EFHC2: variants seen among roughly 807,000 people sequenced by gnomAD.
The protein encoded by EFHC2 is EF-hand domain containing 2.
A neutral mutation model predicts 52.7 loss-of-function variants in EFHC2; 18 were observed. The observed-to-expected ratio is 0.34, with a 90% confidence interval of 0.24 to 0.51. The LOEUF is 0.51. EFHC2 is among the 20% of genes least tolerant of loss of function. The pLI is 0.97. For synonymous variants in EFHC2, 203 were observed against 204.1 expected, an observed-to-expected ratio of 0.99 and a Z score of 0.04; for missense variants, 513 against 562.5, an observed-to-expected ratio of 0.91 and a Z score of 0.89.
intron 2 of EFHC2, chrX:44,310,303 T>C: frequency 1.1e-6 from 1 of 893,274 alleles, no homozygotes; most frequent in Non-Finnish European, 1.6e-6. Flanking sequence ...GCTTTAGTTT[T>C]CGGCTCGCGG....
At chrX:44,295,970 T>C (rs1218175465) in intron 2 of EFHC2, among the ~76,000 whole-genome samples, 1 of 111,523 alleles carries the variant, frequency 9.0e-6, no homozygotes, top group Non-Finnish European at 1.9e-5. Context: ...ATCCAATTTA[T>C]GCTGCACATC....
At chrX:44,251,238 C>CAAAAAAAA (rs746850685) in intron 4 of EFHC2, among the ~76,000 whole-genome samples, 5 of 18,313 alleles carry the variant, frequency 2.7e-4, no homozygotes, top group African/African-American at 4.7e-4. Context: ...GACTCCATCT[C>CAAAAAAAA]AAAAAAAAAA....
chrX:44,214,725 C>T (rs2037130507), intron 11 of EFHC2, among the ~76,000 whole-genome samples: 1 of 112,207 alleles, frequency 8.9e-6, no homozygotes, highest in Admixed American at 9.4e-5. Flanking sequence ...TTTTATTTAT[C>T]TTATTCTTAA....
At chrX:44,224,897 C>T (rs2037219284) in intron 11 of EFHC2, among the ~76,000 whole-genome samples, 1 of 102,309 alleles carries the variant, frequency 9.8e-6, no homozygotes, top group African/African-American at 3.8e-5. Flanking sequence ...TCTTCCTTGG[C>T]ATTGGGCTCT....
rs545372479 is a variant in EFHC2 at position 44,232,339 on chromosome X, C to T, written c.1620+142G>A. On this transcript the variant is annotated intron_variant, in intron 10 of 14. Coordinates refer to ENST00000420999, the MANE Select transcript of EFHC2 (RefSeq NM_025184.4). ...TGATGGGACATGTGGCCAAGTCACACGAATCCATTATTCATGCCCACATGT... is the reference window on the plus strand; with the variant it reads ...TGATGGGACATGTGGCCAAGTCACATGAATCCATTATTCATGCCCACATGT... 12 of 398,633 alleles carry T rather than the reference C, an allele frequency of 3.0e-5. No individual in the cohort carries two copies. In the South Asian group the frequency reaches 1.3e-3, roughly 44 times the overall value. The allele number at this position is 398,633 out of a possible 1,213,427, so 32.9% of individuals were successfully genotyped here. A position where few individuals can be genotyped will look rare whatever the true frequency, so the allele number is the denominator to read the frequency against.
intron 2 of EFHC2, among the ~76,000 whole-genome samples, chrX:44,289,018 CTGTTGTTGA>C (rs2037773391): frequency 8.9e-6 from 1 of 111,783 alleles, no homozygotes; most frequent in Non-Finnish European, 1.9e-5. Context: ...TAGAACCCCA[CTGTTGTTGA>C]TGTCTTTCCT....
intron 2 of EFHC2, among the ~76,000 whole-genome samples, chrX:44,303,981 T>G (rs1011543148): frequency 8.9e-6 from 1 of 112,392 alleles, no homozygotes; most frequent in Non-Finnish European, 1.9e-5. Context: ...TGTTGACAAA[T>G]GAAAAATGAG....
intron 7 of EFHC2, among the ~76,000 whole-genome samples, chrX:44,244,708 G>C (rs967272468): frequency 2.7e-5 from 3 of 111,992 alleles, no homozygotes; most frequent in African/African-American, 3.2e-5. Context: ...AGACTACTGG[G>C]AAAAGCCTTC....
At chrX:44,254,524 A>G (rs1047485737) in intron 4 of EFHC2, among the ~76,000 whole-genome samples, 2 of 112,126 alleles carry the variant, frequency 1.8e-5, no homozygotes, top group Non-Finnish European at 3.8e-5. Flanking sequence ...AGGATATCAG[A>G]GATGGAAGAT....
At chrX:44,289,898 G>T (rs1189973359) in intron 2 of EFHC2, among the ~76,000 whole-genome samples, 2 of 110,384 alleles carry the variant, frequency 1.8e-5, no homozygotes, top group African/African-American at 6.6e-5. Flanking sequence ...GGCCAGGCTG[G>T]TCTCGAACTC....
intron 2 of EFHC2, among the ~76,000 whole-genome samples, chrX:44,291,250 A>G (rs1322276796): frequency 9.0e-6 from 1 of 111,697 alleles, no homozygotes; most frequent in Non-Finnish European, 1.9e-5. Flanking sequence ...TTATGTTCCT[A>G]TGGATACTGT....
chrX:44,242,277 G>A lies in EFHC2; in HGVS notation c.1124C>T (p.Ser375Leu). Reference sequence around the variant, plus strand: ...AGGAGAAGGAGGCTTGCATGAAACTGAGGTAAAGTTCTCTAGAACAAAACA... The same window carrying A: ...AGGAGAAGGAGGCTTGCATGAAACTAAGGTAAAGTTCTCTAGAACAAAACA... ...KSKYGIENFT[S>L]VSCKPPSPPP... Residue 375 changes from serine (S) to leucine (L), a missense_variant, in exon 8 of 15, where the codon TCA (serine) becomes TTA (leucine). Physicochemically the swap from Ser to Leu is moderately radical, Grantham distance 145. Transcript: ENST00000420999. 8.3e-7 allele frequency: 1 copy of A among 1,206,844 alleles called. No individual in the cohort carries two copies. Among genetic ancestry groups the A allele is most frequent in the Non-Finnish European group, 1.1e-6 (1 of 893,551 alleles).
intron 2 of EFHC2, among the ~76,000 whole-genome samples, chrX:44,281,567 C>G (rs979977249): frequency 8.9e-5 from 10 of 111,799 alleles, no homozygotes; most frequent in Non-Finnish European, 1.9e-4. Flanking sequence ...TATAATAAAT[C>G]AATTCCTTTC....
chrX:44,196,813 C>T (rs916341058), intron 11 of EFHC2, among the ~76,000 whole-genome samples: 4 of 112,213 alleles, frequency 3.6e-5, no homozygotes, highest in African/African-American at 9.7e-5. Context: ...ATTCATCTAA[C>T]GCCCCCAGTA....
intron 4 of EFHC2, among the ~76,000 whole-genome samples, chrX:44,253,408 T>C (rs761202952): frequency 1.8e-5 from 2 of 110,971 alleles, no homozygotes; most frequent in African/African-American, 6.6e-5. Context: ...CAGTCTGAAG[T>C]CGATCTGGGA....
chrX:44,293,013 C>T (rs2037803922), intron 2 of EFHC2, among the ~76,000 whole-genome samples: 2 of 100,700 alleles, frequency 2.0e-5, no homozygotes, highest in South Asian at 4.9e-4. Context: ...GTCGCTCTGT[C>T]GCCCAGGCTG....
chrX:44,263,590 T>A (rs1329736488), intron 3 of EFHC2, among the ~76,000 whole-genome samples: 1 of 111,994 alleles, frequency 8.9e-6, no homozygotes, highest in Non-Finnish European at 1.9e-5. Context: ...TGTGAAAAAA[T>A]TATACTTCAA....
chrX:44,283,666 C>G (rs1256855222), intron 2 of EFHC2, among the ~76,000 whole-genome samples: 2 of 87,623 alleles, frequency 2.3e-5, no homozygotes, highest in African/African-American at 9.0e-5. Flanking sequence ...TTTGACTCCA[C>G]GGAAGTACCT....
intron 2 of EFHC2, among the ~76,000 whole-genome samples, chrX:44,286,707 T>C (rs1411340208): frequency 1.8e-5 from 2 of 111,221 alleles, no homozygotes; most frequent in Admixed American, 1.9e-4. Context: ...ATTATAGGAA[T>C]TCTATTTAAA....
Sources: allele counts gnomAD v4.1 joint callset (sites outside exome capture counted in the v4.1 genomes callset), GRCh38; gene constraint gnomAD v4.1.1; transcripts MANE v1.5; gene names NCBI Gene and HGNC (gene_info 2026-07-23, HGNC 2026-07-21).